The following MARF1 variants were observed in gnomAD, a reference collection of about 807,000 sequenced individuals.
MARF1 encodes the protein meiosis regulator and mRNA stability factor 1.
A neutral mutation model predicts 168.2 loss-of-function variants in MARF1; 24 were observed. The observed-to-expected ratio is 0.14, with a 90% CI of 0.10 to 0.20. The LOEUF (loss-of-function observed/expected upper bound fraction) is 0.20, where lower values mean the gene tolerates loss of function less well. MARF1 is among the 10% of genes least tolerant of loss of function. The probability of loss-of-function intolerance (pLI) is 1.00; values close to 1 mark genes in which losing one functional copy is unlikely to be tolerated. For synonymous variants in MARF1, 868 were observed against 822.4 expected, an observed-to-expected ratio of 1.06 and a Z score of -0.95; for missense variants, 1,744 against 2,143.6, an observed-to-expected ratio of 0.81 and a Z score of 3.68.
chr16:15,622,027 G>GT (rs1331722240), intron 11 of MARF1, 116 bp from the exon 12 acceptor site: 2 of 897,940 alleles, frequency 2.2e-6, no homozygotes, highest in Non-Finnish European at 1.7e-6. Flanking sequence ...CCATGAAGGA[G>GT]TATGTCTGAA....
intron 1 of MARF1, among the ~76,000 whole-genome samples, chr16:15,642,698 T>C (rs2036102108): frequency 2.0e-5 from 3 of 152,234 alleles, no homozygotes; most frequent in South Asian, 4.1e-4. Context: ...GCCCCTTTCC[T>C]TCTCTCTTAA....
intron 10 of MARF1, among the ~76,000 whole-genome samples, chr16:15,624,474 A>G (rs1275602997): frequency 6.6e-6 from 1 of 152,238 alleles, no homozygotes; most frequent in Non-Finnish European, 1.5e-5. Flanking sequence ...TCCTCAACAC[A>G]GCGAACATAG....
intron 13 of MARF1, 37 bp from the exon 14 acceptor site, chr16:15,617,572 T>C (rs896458696): frequency 2.8e-6 from 4 of 1,435,820 alleles, no homozygotes; most frequent in Non-Finnish European, 3.9e-6. Flanking sequence ...ACTTAGAAGG[T>C]TTTTCTTTGA....
Position 15,624,881 on chromosome 16 carries a change from T to C in MARF1, c.2158A>G (p.Lys720Glu). The change falls in exon 10 of 27, where the codon AAA becomes GAA. Residue 720 changes from lysine to glutamate, a missense_variant. Transcript: ENST00000396368. ...AATACAGTCTCCTCTTTATCTTTTTTCTCTACAGGAGAACTGGTAACACTT... is the reference window on the plus strand; with the variant it reads ...AATACAGTCTCCTCTTTATCTTTTTCCTCTACAGGAGAACTGGTAACACTT... ...ARSVTSSPVEKKDKEETVFQV... is the reference protein window; with the variant it reads ...ARSVTSSPVEEKDKEETVFQV... 9 of 1,614,162 alleles carry C rather than the reference T, an allele frequency of 5.6e-6. No individual in the cohort carries two copies. The highest frequency in any genetic ancestry group is 1.3e-5 in the African/African-American group (1 of 75,028).
intron 16 of MARF1, among the ~76,000 whole-genome samples, chr16:15,614,503 A>G (rs977002807): frequency 1.8e-4 from 21 of 118,064 alleles, no homozygotes; most frequent in Non-Finnish European, 3.2e-4. Flanking sequence ...AAAAAAAAAA[A>G]TCCTGGGCGC....
intron 21 of MARF1, among the ~76,000 whole-genome samples, chr16:15,605,484 C>T (rs754575425): frequency 2.1e-4 from 32 of 152,202 alleles, no homozygotes; most frequent in South Asian, 1.0e-3. Flanking sequence ...TAGATTTCCT[C>T]CTCAGAAGCG....
At position 15,623,089 on chromosome 16, in the gene MARF1, G is replaced by A. The variant is rs1368928774; in HGVS notation, c.2305C>T (p.Pro769Ser). 6.2e-7 allele frequency: 1 copy of A among 1,606,892 alleles called. No individual in the cohort carries two copies. Among genetic ancestry groups the A allele is most frequent in the Non-Finnish European group, 8.5e-7 (1 of 1,174,054 alleles). The change falls in exon 11 of 27, where the codon CCG (proline) becomes TCG (serine). Residue 769 changes from proline (P) to serine (S), a missense_variant. By Grantham distance (74) the Pro-to-Ser change is moderately conservative. Coordinates refer to ENST00000396368, the MANE Select transcript of MARF1 (RefSeq NM_014647.4). The part of the protein sequence containing the change: ...MSPNLLNRAS[P>S]LAFNIANSSS... ...GAATTTGCAATGTTGAAAGCAAGCG[G>A]GGATGCTCTGTTTAAAAGGTTTGGA...
At chr16:15,605,585 A>G (rs2032939543) in intron 21 of MARF1, among the ~76,000 whole-genome samples, 1 of 152,112 alleles carries the variant, frequency 6.6e-6, no homozygotes, top group Non-Finnish European at 1.5e-5. Flanking sequence ...TTAGGAAAGA[A>G]ACCAAACCAG....
At chr16:15,601,942 C>A (rs1174248344) in intron 23 of MARF1, 49 bp downstream of exon 23, 1 of 1,459,544 alleles carries the variant, frequency 6.9e-7, no homozygotes, top group African/African-American at 1.4e-5. Flanking sequence ...GACAGTTAGC[C>A]TGTGGCTGTT....
chr16:15,633,605 T>A lies in MARF1; in HGVS notation c.1233+12A>T. On this transcript the variant is annotated intron_variant, in intron 5 of 26. Transcript: ENST00000396368. ...TACTGTAGATTAAAATTATTAAATT[T>A]TTTTTTTTTACCTGGCAATTATTCA... The A allele has an allele frequency of 6.5e-7, 1 of 1,544,156 alleles. No homozygotes were observed. The highest frequency in any genetic ancestry group is 8.9e-7 in the Non-Finnish European group (1 of 1,127,946).
chr16:15,617,388 G>A lies in MARF1; in HGVS notation c.2868C>T (p.Gly956=). 1.2e-6 allele frequency: 2 copies of A among 1,614,192 alleles called. No individual in the cohort carries two copies. Among genetic ancestry groups the A allele is most frequent in the Non-Finnish European group, 8.5e-7 (1 of 1,180,028 alleles). The part of the protein sequence containing the change: ...SPLGSSQSHD[G]SSTNCSPIIF... ...TAATTGGGCTGCAATTCGTGGAGGA[G>A]CCGTCGTGTGACTGGGAAGACCCCA... The change falls in exon 14 of 27, where the codon GGC becomes GGT. Residue 956 remains glycine (G), a synonymous_variant. Coordinates refer to ENST00000396368, the MANE Select transcript of MARF1 (RefSeq NM_014647.4).
intron 2 of MARF1, 147 bp downstream of exon 2, chr16:15,638,943 A>G (rs2035770722): frequency 3.4e-6 from 2 of 594,182 alleles, no homozygotes; most frequent in Non-Finnish European, 5.4e-6. Context: ...CTCACATTAT[A>G]ATGTGGTATA....
At chr16:15,599,274 C>G (rs955748288) in intron 25 of MARF1, 3 of 522,244 alleles carry the variant, frequency 5.7e-6, no homozygotes, top group Non-Finnish European at 1.0e-5. Context: ...ACTGGCCCCT[C>G]AAAAGACCCA....
intron 21 of MARF1, 84 bp from the exon 22 acceptor site, chr16:15,604,482 TA>T: frequency 2.3e-6 from 2 of 865,380 alleles, no homozygotes; most frequent in Non-Finnish European, 3.7e-6. Context: ...TCATTTTGGT[TA>T]ATGAGACCAA....
intron 7 of MARF1, 137 bp from the exon 8 acceptor site, chr16:15,625,937 G>T: frequency 1.5e-6 from 1 of 660,942 alleles, no homozygotes; most frequent in Non-Finnish European, 2.6e-6. Context: ...GATGGGAGAG[G>T]GTAAATTATT....
rs2031501567 is a variant in MARF1, at chr16:15,594,579, C to CAGAT, written c.*2110_*2113dup. On this transcript the variant is annotated 3_prime_UTR_variant, in exon 27 of 27. Transcript: ENST00000396368. ...TGATAACTTTTGTCATTTTTTTAAA[C>CAGAT]AGATAAATTTAATCCGGTATATCTT... is the stretch of plus-strand genomic sequence containing the variant. The CAGAT allele has an allele frequency of 1.3e-5, 2 of 152,488 alleles. No homozygotes were observed. The highest frequency in any genetic ancestry group is 1.3e-4 in the Admixed American group (2 of 15,268). The allele number at this position is 152,488 out of a possible 1,614,324, so 9.4% of individuals were successfully genotyped here. A position where few individuals can be genotyped will look rare whatever the true frequency, so the allele number is the denominator to read the frequency against.
chr16:15,600,576 CAGAG>C (rs1567527119), intron 24 of MARF1, 23 bp from the exon 25 acceptor site: 5 of 1,614,168 alleles, frequency 3.1e-6, no homozygotes, highest in Non-Finnish European at 4.2e-6. Flanking sequence ...GAGCACCCGT[CAGAG>C]AGAAATGTCA....
Position 15,639,202 on chromosome 16 carries a change from C to T in MARF1, c.32G>A (p.Cys11Tyr). Residue 11 changes from cysteine to tyrosine, a missense_variant, in exon 2 of 27, where the codon TGC becomes TAC. By Grantham distance (194) the Cys-to-Tyr change is radical. Around this residue, in one of 7 missense-constraint regions of MARF1, gnomAD observed 318 missense variants for 336.6 expected, o/e 0.94. Coordinates refer to ENST00000396368, the MANE Select transcript of MARF1 (RefSeq NM_014647.4). The stretch of plus-strand genomic sequence containing the variant: ...TTGAAGCCATCCACGTGTTCTACTG[C>T]AGGAGTTCTCAGTTCCGTTTCCTTC... Reference protein sequence around the residue: MMEGNGTENSCSRTRGWLQQD... With the variant: MMEGNGTENSYSRTRGWLQQD... 1 of 1,614,068 alleles carries T rather than the reference C, an allele frequency of 6.2e-7. No individual in the cohort carries two copies. Among genetic ancestry groups the T allele is most frequent in the Non-Finnish European group, 8.5e-7 (1 of 1,179,970 alleles).
At position 15,595,884 on chromosome 16, in the gene MARF1, A is replaced by C. The variant is rs1013252988; in HGVS notation, c.*809T>G. 3 of 152,252 alleles carry C rather than the reference A, an allele frequency of 2.0e-5. No individual in the cohort carries two copies. The highest frequency in any genetic ancestry group is 7.2e-5 in the African/African-American group (3 of 41,430). 9.4% of individuals were successfully genotyped at this position (152,252 alleles called of 1,614,324 possible). On this transcript the variant is annotated 3_prime_UTR_variant, in exon 27 of 27. Transcript: ENST00000396368. ...TTCCAATGCTGCCTCTCGACACACA[A>C]TAATGTGTGTTGTAATCCAAATGCT...
Sources: allele counts gnomAD v4.1 joint callset (sites outside exome capture counted in the v4.1 genomes callset), GRCh38; gene constraint gnomAD v4.1.1; regional missense constraint gnomAD v4.1.1; transcripts MANE v1.5; gene names NCBI Gene and HGNC (gene_info 2026-07-23, HGNC 2026-07-21).